Variants in ADGRL3 observed in about 807,000 individuals in gnomAD.
The protein encoded by ADGRL3 is adhesion G protein-coupled receptor L3.
In ADGRL3, 62 loss-of-function variants were observed where a neutral mutation model predicts 153.5. The observed-to-expected ratio is 0.40, with a 90% CI of 0.33 to 0.50. The LOEUF is 0.50. ADGRL3 is among the 20% of genes least tolerant of loss of function. The probability of loss-of-function intolerance (pLI) is 0.47; values close to 1 mark genes in which losing one functional copy is unlikely to be tolerated. For missense variants in ADGRL3, 1,641 were observed against 1,859.4 expected, an observed-to-expected ratio of 0.88 and a Z score of 2.16; for synonymous variants, 710 against 672.5, an observed-to-expected ratio of 1.06 and a Z score of -0.86.
chr4:61,257,237 A>G (rs2092054470), intron 1 of ADGRL3, among the ~76,000 whole-genome samples: 1 of 152,202 alleles, frequency 6.6e-6, no homozygotes, highest in Non-Finnish European at 1.5e-5. Flanking sequence ...TTGCCCTCCT[A>G]TGAATAATAT....
intron 1 of ADGRL3, among the ~76,000 whole-genome samples, chr4:61,344,023 A>C: frequency 6.6e-6 from 1 of 152,220 alleles, no homozygotes; most frequent in East Asian, 1.9e-4. Flanking sequence ...TTTATGCAGC[A>C]TATCACCCAC....
At chr4:61,497,954 C>T (rs2098339831) in intron 3 of ADGRL3, among the ~76,000 whole-genome samples, 1 of 152,072 alleles carries the variant, frequency 6.6e-6, no homozygotes, top group Admixed American at 6.5e-5. Context: ...GTCTTTACTA[C>T]ACTTTTGGAA....
chr4:61,500,029 C>CAGAGAGAGAGAGAGAGAGAGAGAG (rs10673228), intron 3 of ADGRL3, among the ~76,000 whole-genome samples: 25 of 140,556 alleles, frequency 1.8e-4, no homozygotes, highest in Admixed American at 3.6e-4. Flanking sequence ...CACACAGAAA[C>CAGAGAGAGAGAGAGAGAGAGAGAG]AGAGAGAGAG....
At chr4:61,743,548 G>T (rs1255098103) in intron 8 of ADGRL3, among the ~76,000 whole-genome samples, 1 of 152,100 alleles carries the variant, frequency 6.6e-6, no homozygotes, top group Non-Finnish European at 1.5e-5. Flanking sequence ...TGATGAAATA[G>T]ATTATTTTTA....
intron 9 of ADGRL3, among the ~76,000 whole-genome samples, chr4:61,847,973 A>T (rs1462493202): frequency 3.0e-4 from 4 of 13,170 alleles, no homozygotes; most frequent in African/African-American, 1.0e-3. Flanking sequence ...TTATATATAT[A>T]ATATAAAATA....
At chr4:61,939,049 C>A (rs1334535477) in intron 15 of ADGRL3, among the ~76,000 whole-genome samples, 1 of 151,400 alleles carries the variant, frequency 6.6e-6, no homozygotes, top group Non-Finnish European at 1.5e-5. Context: ...GGAAATAATA[C>A]AATTTGAAAA....
At chr4:61,816,064 T>C (rs886302650) in intron 9 of ADGRL3, among the ~76,000 whole-genome samples, 3 of 152,212 alleles carry the variant, frequency 2.0e-5, no homozygotes, top group African/African-American at 7.2e-5. Flanking sequence ...TTTAGACACA[T>C]TAATTCATAG....
chr4:61,471,737 CA>C (rs1249624281), intron 2 of ADGRL3, among the ~76,000 whole-genome samples: 2 of 151,774 alleles, frequency 1.3e-5, no homozygotes, highest in Non-Finnish European at 2.9e-5. Context: ...ATTTAACTGA[CA>C]AAAAAGCATT....
At chr4:61,230,080 AGGGTCACC>A (rs1447278347) in intron 1 of ADGRL3, among the ~76,000 whole-genome samples, 1 of 152,170 alleles carries the variant, frequency 6.6e-6, no homozygotes, top group Non-Finnish European at 1.5e-5. Flanking sequence ...ATAATGTTAT[AGGGTCACC>A]CTAGCTACAA....
chr4:61,369,718 T>A (rs925622289), intron 1 of ADGRL3, among the ~76,000 whole-genome samples: 1 of 152,206 alleles, frequency 6.6e-6, no homozygotes, highest in African/African-American at 2.4e-5. Flanking sequence ...CTGCCCGGTT[T>A]GGTATCAGAA....
intron 8 of ADGRL3, among the ~76,000 whole-genome samples, chr4:61,806,365 G>A (rs1054485465): frequency 1.3e-5 from 2 of 151,804 alleles, no homozygotes; most frequent in African/African-American, 4.8e-5. Flanking sequence ...GTGTGTGTAT[G>A]TGTGTATTTA....
chr4:61,614,763 T>C (rs1221166787), intron 5 of ADGRL3, among the ~76,000 whole-genome samples: 2 of 152,134 alleles, frequency 1.3e-5, no homozygotes, highest in Non-Finnish European at 2.9e-5. Flanking sequence ...GACACACTTA[T>C]TTTACTCCTT....
At chr4:61,704,474 T>C (rs1561093197) in intron 6 of ADGRL3, among the ~76,000 whole-genome samples, 1 of 152,206 alleles carries the variant, frequency 6.6e-6, no homozygotes, top group Non-Finnish European at 1.5e-5. Context: ...ATTCTAATGA[T>C]CATCCAAGCC....
At chr4:62,034,514 A>G (rs1463568397) in intron 23 of ADGRL3, among the ~76,000 whole-genome samples, 1 of 151,738 alleles carries the variant, frequency 6.6e-6, no homozygotes, top group African/African-American at 2.4e-5. Context: ...GAAAACGTAT[A>G]ATTATTTTTG....
At chr4:61,597,753 A>G (rs1336161513) in intron 5 of ADGRL3, among the ~76,000 whole-genome samples, 3 of 151,682 alleles carry the variant, frequency 2.0e-5, no homozygotes, top group African/African-American at 7.3e-5. Flanking sequence ...TAGGTGATAT[A>G]TATTTCATAT....
At chr4:61,504,607 C>T (rs2098415163) in intron 3 of ADGRL3, among the ~76,000 whole-genome samples, 1 of 152,112 alleles carries the variant, frequency 6.6e-6, no homozygotes, top group African/African-American at 2.4e-5. Context: ...ATTCCCTCTA[C>T]CTAACAGTAT....
chr4:61,216,599 A>G (rs1265177897), intron 1 of ADGRL3, among the ~76,000 whole-genome samples: 4 of 152,118 alleles, frequency 2.6e-5, no homozygotes, highest in Non-Finnish European at 5.9e-5. Flanking sequence ...AATTGTATTT[A>G]GTTCTACATT....
At chr4:61,711,491 T>TATATATATATATATATAC (rs757078842) in intron 6 of ADGRL3, among the ~76,000 whole-genome samples, 24 of 89,192 alleles carry the variant, frequency 2.7e-4, no homozygotes, top group East Asian at 2.1e-3. Flanking sequence ...TATATATATA[T>TATATATATATATATATAC]ACACACACAC....
intron 4 of ADGRL3, among the ~76,000 whole-genome samples, chr4:61,537,546 T>G (rs1412046652): frequency 1.3e-5 from 2 of 152,142 alleles, no homozygotes; most frequent in Non-Finnish European, 2.9e-5. Context: ...AATTTTATAT[T>G]TCTCAAAGGC....
Sources: gnomAD v4.1 joint callset for allele counts (sites outside exome capture counted in the v4.1 genomes callset) on GRCh38, gnomAD v4.1.1 for gene constraint, MANE v1.5 for transcripts, NCBI Gene and HGNC (gene_info 2026-07-23, HGNC 2026-07-21) for gene names.